The following PGR variants were observed in gnomAD, a reference collection of about 807,000 sequenced individuals.
The protein encoded by PGR is progesterone receptor.
PGR carries 25 observed loss-of-function variants against 76.1 expected under a neutral mutation model. The ratio of observed to expected loss-of-function variants is 0.33; its 90% CI spans 0.24 to 0.46. The LOEUF (loss-of-function observed/expected upper bound fraction) is 0.46. Among genes scored for constraint, PGR ranks in the 20% least tolerant of loss-of-function variants. The pLI is 1.00. For missense variants in PGR, 1,172 were observed against 1,225.3 expected, an observed-to-expected ratio of 0.96 and a Z score of 0.65; for synonymous variants, 579 against 535.0, an observed-to-expected ratio of 1.08 and a Z score of -1.14.
In PGR at chr11:101,035,939, T is replaced by C. The variant is rs1454779584; in HGVS notation, c.*3177A>G. On this transcript the variant is annotated 3_prime_UTR_variant, in exon 8 of 8. Transcript: ENST00000325455. ...TTAATGAAAACAAAATAGTAGCAATTACTATTTCTGAAGGCCTGTATACGT... is the reference window on the plus strand; with the variant it reads ...TTAATGAAAACAAAATAGTAGCAATCACTATTTCTGAAGGCCTGTATACGT... The C allele has an allele frequency of 4.4e-6, 1 of 229,574 alleles. No individual in the cohort carries two copies. The allele number at this position is 229,574 out of a possible 1,614,324, so 14.2% of individuals were successfully genotyped here. A position where few individuals can be genotyped will look rare whatever the true frequency, so the allele number is the denominator to read the frequency against.
At position 101,066,264 on chromosome 11, in the gene PGR, A is replaced by G. The variant is rs1048015184; in HGVS notation, c.1907-3512T>C. Reference sequence around the variant, plus strand: ...TCTAAATGTCAAAAAACAATGGCCAATTCTCAGTCCTGGTCTTAACCCGGG... The same window carrying G: ...TCTAAATGTCAAAAAACAATGGCCAGTTCTCAGTCCTGGTCTTAACCCGGG... On this transcript the variant is annotated intron_variant, in intron 3 of 7. Coordinates refer to ENST00000325455, the MANE Select transcript of PGR (RefSeq NM_000926.4). Among the ~76,000 whole-genome samples the G allele has an allele frequency of 6.6e-5, 10 of 152,312 alleles. 1 individual carries two copies. Among genetic ancestry groups the G allele is most frequent in the Middle Eastern group, 3.4e-3 (1 of 294 alleles).
chr11:101,092,236 A>C (rs1861697753), intron 2 of PGR, among the ~76,000 whole-genome samples: 1 of 152,218 alleles, frequency 6.6e-6, no homozygotes, highest in Admixed American at 6.5e-5. Flanking sequence ...AGGTGGTCAA[A>C]CTCTAGTAAA....
intron 6 of PGR, among the ~76,000 whole-genome samples, chr11:101,046,918 T>G (rs1859907304): frequency 6.6e-6 from 1 of 152,306 alleles, no homozygotes; most frequent in African/African-American, 2.4e-5. Flanking sequence ...TCCCTGCATA[T>G]TTTTATAATG....
chr11:101,043,523 GTTC>G (rs1859764979), intron 6 of PGR, among the ~76,000 whole-genome samples: 1 of 152,094 alleles, frequency 6.6e-6, no homozygotes, highest in South Asian at 2.1e-4. Context: ...AATCACGAAT[GTTC>G]TTAATGGCAT....
rs534426691 is a variant in PGR at position 101,127,489 on chromosome 11, C to T, written c.1582G>A (p.Ala528Thr). The change falls in exon 1 of 8, where the codon GCC (alanine) becomes ACC (threonine). Residue 528 changes from alanine to threonine, a missense_variant. Physicochemically the swap from Ala to Thr is moderately conservative, Grantham distance 58. Transcript: ENST00000325455. Reference sequence around the variant, plus strand: ...TGCGGCAGGCCCTCCTTGAGCACGGCGGCCTGGTAGCCGAGCTGCGGGAGC... The same window carrying T: ...TGCGGCAGGCCCTCCTTGAGCACGGTGGCCTGGTAGCCGAGCTGCGGGAGC... ...NGLPQLGYQA[A>T]VLKEGLPQVY... 1.6e-4 allele frequency: 256 copies of T among 1,554,312 alleles called. 1 individual carries two copies. The South Asian group carries it at 2.7e-3, about 17-fold the overall frequency.
intron 6 of PGR, 143 bp downstream of exon 6, chr11:101,049,786 T>C (rs909762968): frequency 6.8e-5 from 43 of 630,534 alleles, no homozygotes; most frequent in Non-Finnish European, 1.0e-4. Flanking sequence ...TTAATGTCTA[T>C]AACAATATAT....
At chr11:101,096,781 G>A (rs763949689) in intron 2 of PGR, among the ~76,000 whole-genome samples, 10 of 152,168 alleles carry the variant, frequency 6.6e-5, no homozygotes, top group Admixed American at 2.6e-4. Context: ...CTCATAAACC[G>A]TAGGTTGATG....
chr11:101,090,631 G>T (rs1407949226), intron 3 of PGR, among the ~76,000 whole-genome samples: 1 of 152,216 alleles, frequency 6.6e-6, no homozygotes, highest in African/African-American at 2.4e-5. Context: ...AATCTGCTGA[G>T]GTTGTGGTTT....
Position 101,074,026 on chromosome 11 carries a change from A to G in PGR, c.1907-11274T>C, listed in dbSNP as rs144891074. On this transcript the variant is annotated intron_variant, in intron 3 of 7. Coordinates refer to ENST00000325455, the MANE Select transcript of PGR (RefSeq NM_000926.4). ...AAAACCCGGCAGAGAAACAACAAAA[A>G]AGAAAATTTCAGGCCAATATCCCTG... 1.7e-4 allele frequency among the ~76,000 whole-genome samples: 26 copies of G among 152,296 alleles called. No homozygotes were observed. The East Asian group carries it at 3.1e-3, about 18-fold the overall frequency.
At chr11:101,087,033 G>C (rs1367471130) in intron 3 of PGR, among the ~76,000 whole-genome samples, 1 of 152,146 alleles carries the variant, frequency 6.6e-6, no homozygotes, top group Non-Finnish European at 1.5e-5. Flanking sequence ...CAGATTCAAT[G>C]TTATTCCTAT....
chr11:101,122,170 A>AAG (rs1555067016), intron 2 of PGR, among the ~76,000 whole-genome samples: 30 of 13,648 alleles, frequency 2.2e-3, no homozygotes, highest in African/African-American at 7.8e-3. Context: ...AAAAAAAAAA[A>AAG]GTGAGCATAA....
chr11:101,124,978 C>T (rs506487), intron 2 of PGR, among the ~76,000 whole-genome samples: 38,095 of 151,720 alleles, frequency 0.25, 5,714 homozygotes, highest in Non-Finnish European at 0.35. Context: ...AAATTTCCTA[C>T]TACCTGCTTT....
chr11:101,108,607 G>A (rs971784075), intron 2 of PGR, among the ~76,000 whole-genome samples: 4 of 152,202 alleles, frequency 2.6e-5, no homozygotes, highest in Non-Finnish European at 5.9e-5. Context: ...CCAGTGGTGT[G>A]CTTTAGTGAA....
At chr11:101,100,142 G>C (rs1485647556) in intron 2 of PGR, among the ~76,000 whole-genome samples, 1 of 152,144 alleles carries the variant, frequency 6.6e-6, no homozygotes, top group African/African-American at 2.4e-5. Context: ...CCCCCATGTT[G>C]TGGGAGGAAC....
chr11:101,041,725 C>A, intron 7 of PGR: 1 of 507,830 alleles, frequency 2.0e-6, no homozygotes, highest in Non-Finnish European at 3.5e-6. Context: ...TTAAATTACC[C>A]TCACATTATA....
rs1862926232 is a variant in PGR at position 101,127,893 on chromosome 11, C to G, written c.1178G>C (p.Gly393Ala). The G allele has an allele frequency of 6.2e-7, 1 of 1,607,512 alleles. No individual in the cohort carries two copies. The highest frequency in any genetic ancestry group is 1.3e-5 in the African/African-American group (1 of 74,678). Residue 393 changes from glycine to alanine, a missense_variant, in exon 1 of 8, where the codon GGC becomes GCC. Physicochemically the swap from Gly to Ala is moderately conservative, Grantham distance 60. This residue lies in a region of PGR where 893 missense variants were observed against 785.9 expected (regional missense o/e 1.14). Coordinates refer to ENST00000325455, the MANE Select transcript of PGR (RefSeq NM_000926.4). ...CGGGGAGCGCGCGGAGGCCTCCGCG[C>G]CTTCCTCCTCCTCCTTTATCTTTAG... ...PALKIKEEEE[G>A]AEASARSPRS...
At chr11:101,063,043 T>C (rs1183350261) in intron 3 of PGR, 6 of 289,928 alleles carry the variant, frequency 2.1e-5, no homozygotes, top group Non-Finnish European at 3.9e-5. Context: ...GCAGGGGTCA[T>C]GGAGCTTTTT....
intron 2 of PGR, among the ~76,000 whole-genome samples, chr11:101,105,197 T>G (rs1292575713): frequency 2.0e-5 from 3 of 152,178 alleles, no homozygotes; most frequent in Non-Finnish European, 4.4e-5. Context: ...GAAATTTGAT[T>G]TTTCTCTAAA....
chr11:101,076,610 A>C lies in PGR; in HGVS notation c.1907-13858T>G, dbSNP rs146410184. ...TTATTCTTGATGTATATGTGACTGA[A>C]TCTGGATGATGATACTATGAGAAGA... On this transcript the variant is annotated intron_variant, in intron 3 of 7. Coordinates refer to ENST00000325455, the MANE Select transcript of PGR (RefSeq NM_000926.4). Among the ~76,000 whole-genome samples the C allele has an allele frequency of 4.7e-3, 710 of 152,170 alleles. 9 individuals carry two copies. The highest frequency in any genetic ancestry group is 0.016 in the African/African-American group (657 of 41,562).
Sources: gnomAD v4.1 joint callset for allele counts (sites outside exome capture counted in the v4.1 genomes callset) on GRCh38, gnomAD v4.1.1 for gene constraint, gnomAD v4.1.1 regional missense constraint, MANE v1.5 for transcripts, NCBI Gene and HGNC (gene_info 2026-07-23, HGNC 2026-07-21) for gene names.